The following HDAC4 variants were observed in gnomAD, a reference collection of about 807,000 sequenced individuals.
The protein encoded by HDAC4 is histone deacetylase A.
A neutral mutation model predicts 135.1 loss-of-function variants in HDAC4; 16 were observed. The ratio of observed to expected loss-of-function variants is 0.12; its 90% CI spans 0.08 to 0.18. The LOEUF is 0.18. Among genes scored for constraint, HDAC4 ranks in the 10% least tolerant of loss-of-function variants. HDAC4 has a pLI of 1.00. For synonymous variants in HDAC4, 685 were observed against 653.4 expected, an observed-to-expected ratio of 1.05 and a Z score of -0.74; for missense variants, 1,143 against 1,511.8, an observed-to-expected ratio of 0.76 and a Z score of 4.05.
intron 18 of HDAC4, among the ~76,000 whole-genome samples, chr2:239,089,479 C>T (rs1411034136): frequency 6.6e-6 from 1 of 152,174 alleles, no homozygotes; most frequent in East Asian, 1.9e-4. Context: ...AGGCATGCGC[C>T]ACCATGCCCA....
At chr2:239,386,732 A>G (rs1227837096) in intron 1 of HDAC4, among the ~76,000 whole-genome samples, 3 of 152,244 alleles carry the variant, frequency 2.0e-5, no homozygotes, top group African/African-American at 7.2e-5. Flanking sequence ...CACATCCCAG[A>G]CACAGTACCG....
intron 3 of HDAC4, among the ~76,000 whole-genome samples, chr2:239,231,684 CCGGA>C (rs2047571810): frequency 1.7e-5 from 1 of 58,000 alleles, no homozygotes. Context: ...GCACCTGCTC[CCGGA>C]TGCCTGAGGT....
intron 15 of HDAC4, among the ~76,000 whole-genome samples, 161 bp downstream of exon 15, chr2:239,107,889 C>T (rs192580022): frequency 6.6e-6 from 1 of 152,232 alleles, no homozygotes; most frequent in African/African-American, 2.4e-5. Flanking sequence ...GATAGCTGCC[C>T]GCCCAAATGC....
intron 2 of HDAC4, among the ~76,000 whole-genome samples, chr2:239,339,973 G>C (rs961464355): frequency 4.6e-5 from 7 of 152,262 alleles, no homozygotes; most frequent in African/African-American, 1.7e-4. Context: ...GCTAGCAGCT[G>C]AGTAGGGAGA....
rs950199999 is a variant in HDAC4 at position 239,383,469 on chromosome 2, G to A, written c.-220+17509C>T. Among the ~76,000 whole-genome samples, 5 of 152,178 alleles carry A rather than the reference G, an allele frequency of 3.3e-5. 1 individual carries two copies. The highest frequency in any genetic ancestry group is 2.4e-5 in the African/African-American group (1 of 41,448). The stretch of plus-strand genomic sequence containing the variant: ...GGCAGGGGCAGGGGTGGCAGAGGTC[G>A]GCTTCTTAAGCACTCAGCCGGAACA... On this transcript the variant is annotated intron_variant, in intron 1 of 26. Transcript: ENST00000543185.
rs569650329 is a variant in HDAC4, at chr2:239,303,172, C to T, written c.22+49506G>A. On this transcript the variant is annotated intron_variant, in intron 2 of 26. Coordinates refer to ENST00000543185, the MANE Select transcript of HDAC4 (RefSeq NM_001378414.1). This position sits in a 1 kb window ranked among gnomAD's most constrained non-coding sequence, Gnocchi z 5.1. ...CAGCCTCAGGGCGTGAGGCACCTGG[C>T]CCTGGCCTGTTCCCATCCCACACCC... Among the ~76,000 whole-genome samples, 48 of 152,342 alleles carry T rather than the reference C, an allele frequency of 3.2e-4. No individual in the cohort carries two copies. The highest frequency in any genetic ancestry group is 6.3e-4 in the Non-Finnish European group (43 of 68,030).
At chr2:239,071,747 GA>G (rs984236937) in intron 22 of HDAC4, among the ~76,000 whole-genome samples, 1 of 152,094 alleles carries the variant, frequency 6.6e-6, no homozygotes, top group African/African-American at 2.4e-5. Context: ...CATTTCCACC[GA>G]AAGCTCTGCT....
At chr2:239,397,387 C>T (rs1311292148) in intron 1 of HDAC4, among the ~76,000 whole-genome samples, 2 of 152,184 alleles carry the variant, frequency 1.3e-5, no homozygotes, top group Admixed American at 6.5e-5. Flanking sequence ...GCGTCAGCTA[C>T]GGGAGCACGT....
intron 2 of HDAC4, among the ~76,000 whole-genome samples, chr2:239,264,071 A>G (rs4852038): frequency 0.24 from 36,239 of 151,810 alleles, 5,018 homozygotes; most frequent in East Asian, 0.5. Context: ...GGGGGAAGAC[A>G]CAGCCCTGGA....
intron 1 of HDAC4, among the ~76,000 whole-genome samples, chr2:239,384,729 C>T (rs115329615): frequency 1.0e-3 from 159 of 152,294 alleles, no homozygotes; most frequent in African/African-American, 3.6e-3. Flanking sequence ...GTGGACATGG[C>T]CCCAGCACCA....
At position 239,068,717 on chromosome 2, in the gene HDAC4, G is replaced by T; in HGVS notation, c.2751-110C>A. On this transcript the variant is annotated intron_variant, in intron 22 of 26. Coordinates refer to ENST00000543185, the MANE Select transcript of HDAC4 (RefSeq NM_001378414.1). This position sits in a 1 kb window ranked among gnomAD's most constrained non-coding sequence, Gnocchi z 4.4. ...GATAATGCCTGCCCCGCACCCCCTC[G>T]GCCACTGGCGGGCTGAGGGCTCCAC... 2.2e-6 allele frequency: 2 copies of T among 929,284 alleles called. No individual in the cohort carries two copies. Among genetic ancestry groups the T allele is most frequent in the Non-Finnish European group, 3.5e-6 (2 of 564,388 alleles). 57.6% of individuals were successfully genotyped at this position (929,284 alleles called of 1,614,324 possible).
intron 24 of HDAC4, among the ~76,000 whole-genome samples, chr2:239,057,651 T>C (rs1354532469): frequency 6.6e-6 from 1 of 152,214 alleles, no homozygotes; most frequent in Non-Finnish European, 1.5e-5. Flanking sequence ...CCCAGAATTG[T>C]TTATCCAGTG....
chr2:239,305,820 G>A (rs1160518328), intron 2 of HDAC4, among the ~76,000 whole-genome samples: 1 of 152,182 alleles, frequency 6.6e-6, no homozygotes, highest in African/African-American at 2.4e-5. Flanking sequence ...CGTGCACACA[G>A]GAAGCTTTAG....
intron 12 of HDAC4, among the ~76,000 whole-genome samples, chr2:239,116,790 T>C (rs1341257173): frequency 6.6e-6 from 1 of 152,162 alleles, no homozygotes; most frequent in Non-Finnish European, 1.5e-5. Flanking sequence ...GCATCCCTCA[T>C]GCCACACTCG....
intron 1 of HDAC4, among the ~76,000 whole-genome samples, chr2:239,356,344 T>C (rs1307457105): frequency 2.0e-5 from 3 of 152,054 alleles, no homozygotes; most frequent in African/African-American, 7.3e-5. Flanking sequence ...AACACCCCAT[T>C]TAAAGGGCAG....
At chr2:239,373,196 C>T (rs1388495329) in intron 1 of HDAC4, among the ~76,000 whole-genome samples, 1 of 152,166 alleles carries the variant, frequency 6.6e-6, no homozygotes, top group African/African-American at 2.4e-5. Flanking sequence ...TGCAGCCGCG[C>T]GTACCTCCTC....
In HDAC4 at chr2:239,160,303, T is replaced by C. The variant is rs139721789; in HGVS notation, c.611+3500A>G. Among the ~76,000 whole-genome samples, 466 of 152,314 alleles carry C rather than the reference T, an allele frequency of 3.1e-3. 1 individual carries two copies. Among genetic ancestry groups the C allele is most frequent in the Non-Finnish European group, 5.2e-3 (355 of 68,014 alleles). ...TTTCTTCAGACCAAGTGTCTGAAAT[T>C]CCATGCTCTGCATCTATGGCATGTC... On this transcript the variant is annotated intron_variant, in intron 6 of 26. Transcript: ENST00000543185.
intron 13 of HDAC4, among the ~76,000 whole-genome samples, chr2:239,114,431 C>A (rs559639535): frequency 2.0e-5 from 3 of 152,324 alleles, no homozygotes; most frequent in African/African-American, 2.4e-5. Context: ...ATACGGGGCT[C>A]CAGCTGGCTG....
chr2:239,078,085 C>G (rs955372423), intron 22 of HDAC4, among the ~76,000 whole-genome samples: 1 of 152,194 alleles, frequency 6.6e-6, no homozygotes, highest in Admixed American at 6.5e-5. Context: ...CCCCATGTCC[C>G]CGCGCACAGG....
Sources: gnomAD v4.1 joint callset for allele counts (sites outside exome capture counted in the v4.1 genomes callset) on GRCh38, gnomAD v4.1.1 for gene constraint, Gnocchi (gnomAD v3.1) non-coding constraint, MANE v1.5 for transcripts, NCBI Gene and HGNC (gene_info 2026-07-23, HGNC 2026-07-21) for gene names.